Variants in EXD1 observed in about 807,000 individuals in gnomAD.
The protein encoded by EXD1 is exonuclease 3'-5' domain containing 1, also known as piRNA biogenesis protein EXD1.
EXD1 carries 63 observed loss-of-function variants against 49.1 expected under a neutral mutation model. The ratio of observed to expected loss-of-function variants is 1.28; its 90% CI spans 1.05 to 1.58. The LOEUF is 1.58. EXD1 is among the 40% of genes most tolerant of loss of function. The pLI, the probability that EXD1 is intolerant of heterozygous loss-of-function variation, is 0.00. For synonymous variants in EXD1, 234 were observed against 239.2 expected (o/e 0.98, Z 0.20); for missense variants, 748 against 666.0 (o/e 1.12, Z -1.36).
chr15:41,202,161 T>C (rs1566982336), intron 7 of EXD1, among the ~76,000 whole-genome samples: 1 of 147,822 alleles, frequency 6.8e-6, no homozygotes, highest in Non-Finnish European at 1.5e-5. Flanking sequence ...TATATATATA[T>C]ATATATTTTT....
intron 6 of EXD1, among the ~76,000 whole-genome samples, chr15:41,214,553 A>G (rs1189194475): frequency 6.6e-6 from 1 of 151,888 alleles, no homozygotes; most frequent in African/African-American, 2.4e-5. Flanking sequence ...GAAACTGCCA[A>G]TGGCTTTAAG....
chr15:41,205,832 CAG>C (rs2046814272), intron 7 of EXD1, among the ~76,000 whole-genome samples: 1 of 150,332 alleles, frequency 6.7e-6, no homozygotes, highest in Admixed American at 6.7e-5. Flanking sequence ...CTTGACTCAG[CAG>C]AGAGTTATCA....
At chr15:41,223,555 A>G (rs941857035) in intron 2 of EXD1, among the ~76,000 whole-genome samples, 3 of 152,006 alleles carry the variant, frequency 2.0e-5, no homozygotes, top group African/African-American at 7.2e-5. Context: ...ACCCCATCTC[A>G]ATTTTAAAAA....
intron 7 of EXD1, among the ~76,000 whole-genome samples, chr15:41,207,526 G>A (rs899326304): frequency 1.3e-5 from 2 of 151,506 alleles, no homozygotes; most frequent in African/African-American, 4.9e-5. Flanking sequence ...CAGGCGACAA[G>A]AGCAAAATTT....
At chr15:41,194,830 A>G (rs1199361209) in intron 9 of EXD1, among the ~76,000 whole-genome samples, 1 of 152,234 alleles carries the variant, frequency 6.6e-6, no homozygotes, top group Admixed American at 6.5e-5. Context: ...TGGAGTAAGC[A>G]TAAAAGCAAT....
At chr15:41,227,392 G>A (rs146853234) in intron 1 of EXD1, among the ~76,000 whole-genome samples, 23 of 152,266 alleles carry the variant, frequency 1.5e-4, no homozygotes, top group East Asian at 7.7e-4. Flanking sequence ...CAAATTGGCC[G>A]GGCGCAGTGG....
chr15:41,190,733 C>A (rs2140814521), intron 10 of EXD1, among the ~76,000 whole-genome samples: 1 of 152,130 alleles, frequency 6.6e-6, no homozygotes, highest in South Asian at 2.1e-4. Flanking sequence ...GCAGCCAATA[C>A]AATTATGACC....
chr15:41,230,390 T>G (rs1255642648), intron 1 of EXD1, 89 bp downstream of exon 1: 6 of 1,444,038 alleles, frequency 4.2e-6, no homozygotes, highest in Non-Finnish European at 5.8e-6. Flanking sequence ...GCCTACCTTT[T>G]TAATCAAAAC....
In EXD1 at chr15:41,184,176, T is replaced by C; in HGVS notation, c.1474A>G (p.Lys492Glu). The C allele has an allele frequency of 3.7e-6, 6 of 1,614,216 alleles. No individual in the cohort carries two copies. The highest frequency in any genetic ancestry group is 5.1e-6 in the Non-Finnish European group (6 of 1,180,040). ...ITQKEHFMTP[K>E]HEFQASLSLK... ...GATAAACTTGCCTGAAACTCATGTT[T>C]GGGTGTCATAAAGTGTTCTTTCTGA... Residue 492 changes from lysine (K) to glutamate (E), a missense_variant, in exon 12 of 12, where the codon AAA (lysine) becomes GAA (glutamate). Physicochemically the swap from Lys to Glu is moderately conservative, Grantham distance 56. Coordinates refer to ENST00000458580, the MANE Select transcript of EXD1 (RefSeq NM_001286441.2).
chr15:41,186,337 T>C (rs2046407332), intron 11 of EXD1, among the ~76,000 whole-genome samples: 1 of 151,978 alleles, frequency 6.6e-6, no homozygotes, highest in African/African-American at 2.4e-5. Context: ...CTGAGCACGG[T>C]AGCACATGCT....
At position 41,183,966 on chromosome 15, in the gene EXD1, C is replaced by T. The variant is rs759675298; in HGVS notation, c.1684G>A (p.Asp562Asn). 27 of 1,607,032 alleles carry T rather than the reference C, an allele frequency of 1.7e-5. 1 individual carries two copies. The highest frequency in any genetic ancestry group is 2.2e-5 in the East Asian group (1 of 44,816). Residue 562 changes from aspartate to asparagine, a missense_variant, in exon 12 of 12, where the codon GAT (aspartate) becomes AAT (asparagine). Physicochemically the swap from Asp to Asn is conservative, Grantham distance 23 (BLOSUM62 1). Coordinates refer to ENST00000458580, the MANE Select transcript of EXD1 (RefSeq NM_001286441.2). ...LPPCPALEKI[D>N]SWISPFLNLP Reference sequence around the variant, plus strand: ...TTTAGAAAAGGACTTATCCAGGAATCGATCTTCTCCAAGGCTGGACAGGGA... The same window carrying T: ...TTTAGAAAAGGACTTATCCAGGAATTGATCTTCTCCAAGGCTGGACAGGGA...
rs77761340 is a variant in EXD1, at chr15:41,210,150, A to T, written c.448-563T>A. Among the ~76,000 whole-genome samples, 231 of 152,146 alleles carry T rather than the reference A, an allele frequency of 1.5e-3. 1 individual carries two copies. The highest frequency in any genetic ancestry group is 5.4e-3 in the African/African-American group (224 of 41,480). On this transcript the variant is annotated intron_variant, in intron 6 of 11. Transcript: ENST00000458580. ...GGCTGGTCTCAAACTCCTGACCTCA[A>T]GTGATCTACCTGCCTCGGCCTCCCA...
At chr15:41,212,058 A>G (rs971896814) in intron 6 of EXD1, among the ~76,000 whole-genome samples, 13 of 152,312 alleles carry the variant, frequency 8.5e-5, no homozygotes, top group Admixed American at 7.8e-4. Context: ...ATCATTAGCC[A>G]TCACAGAAAT....
chr15:41,230,626 A>G lies in EXD1; in HGVS notation c.-201T>C. The G allele has an allele frequency of 6.8e-7, 1 of 1,477,966 alleles. No individual in the cohort carries two copies. The highest frequency in any genetic ancestry group is 1.4e-5 in the African/African-American group (1 of 71,184). The allele number at this position is 1,477,966 out of a possible 1,614,324, so 91.6% of individuals were successfully genotyped here. ...GAAGAGGGGCTGCAATGAAGGAAGAAGTCTCGGGACGCTCCACGCCACCCG... is the reference window on the plus strand; with the variant it reads ...GAAGAGGGGCTGCAATGAAGGAAGAGGTCTCGGGACGCTCCACGCCACCCG... On this transcript the variant is annotated 5_prime_UTR_variant, in exon 1 of 12. Transcript: ENST00000458580.
chr15:41,230,082 CTTTT>C (rs1156382525), intron 1 of EXD1, among the ~76,000 whole-genome samples: 1 of 122,264 alleles, frequency 8.2e-6, no homozygotes, highest in African/African-American at 3.2e-5. Context: ...TGGCTTTTAC[CTTTT>C]TTTTTTTTTT....
Position 41,222,934 on chromosome 15 carries a change from C to CAA in EXD1, c.134-3038_134-3037dup, listed in dbSNP as rs562493256. On this transcript the variant is annotated intron_variant, in intron 2 of 11. Coordinates refer to ENST00000458580, the MANE Select transcript of EXD1 (RefSeq NM_001286441.2). ...GTGAGGACAGACTGAGACTCTGTCT[C>CAA]AAAAAAAAAAAAAAAAAAAAAAAAA... Among the ~76,000 whole-genome samples the CAA allele has an allele frequency of 1.3e-3, 128 of 99,956 alleles. 1 individual carries two copies. Among genetic ancestry groups the CAA allele is most frequent in the East Asian group, 2.2e-3 (7 of 3,216 alleles). 65.6% of individuals were successfully genotyped at this position (99,956 alleles called of 152,430 possible).
In EXD1 at chr15:41,204,477, G is replaced by A. The variant is rs778166217; in HGVS notation, c.534+5024C>T. 1.4e-4 allele frequency among the ~76,000 whole-genome samples: 21 copies of A among 152,108 alleles called. 1 individual carries two copies. The highest frequency in any genetic ancestry group is 2.4e-4 in the Non-Finnish European group (16 of 68,014). ...GAGGCAGGAGAATCGCTGGAACCCA[G>A]GAGATGGAGGCTGCAGTGAGCCAAG... On this transcript the variant is annotated intron_variant, in intron 7 of 11. Coordinates refer to ENST00000458580, the MANE Select transcript of EXD1 (RefSeq NM_001286441.2).
chr15:41,184,629 T>G, intron 11 of EXD1, 36 bp from the exon 12 acceptor site: 1 of 1,525,650 alleles, frequency 6.6e-7, no homozygotes, highest in Non-Finnish European at 8.8e-7. Flanking sequence ...TTATTATAAC[T>G]AAACTTCTGA....
rs182664191 is a variant in EXD1 at position 41,218,460 on chromosome 15, C to T, written c.203-1306G>A. ...CAAGATCATACCACTGCACTCCAGCCTTAGCGACAAAGTAAGAATCCGTCT... is the reference window on the plus strand; with the variant it reads ...CAAGATCATACCACTGCACTCCAGCTTTAGCGACAAAGTAAGAATCCGTCT... On this transcript the variant is annotated intron_variant, in intron 3 of 11. Transcript: ENST00000458580. Among the ~76,000 whole-genome samples, 468 of 142,482 alleles carry T rather than the reference C, an allele frequency of 3.3e-3. 1 individual carries two copies. Among genetic ancestry groups the T allele is most frequent in the African/African-American group, 0.012 (444 of 36,430 alleles). 93.5% of individuals were successfully genotyped at this position (142,482 alleles called of 152,430 possible). A position where few individuals can be genotyped will look rare whatever the true frequency, so the allele number is the denominator to read the frequency against.
Sources: allele counts gnomAD v4.1 joint callset (sites outside exome capture counted in the v4.1 genomes callset), GRCh38; gene constraint gnomAD v4.1.1; transcripts MANE v1.5; gene names NCBI Gene and HGNC (gene_info 2026-07-23, HGNC 2026-07-21).